Variants in LPP observed in about 807,000 individuals in gnomAD.
The protein encoded by LPP is lipoma-preferred partner.
LPP carries 38 observed loss-of-function variants against 60.4 expected under a neutral mutation model. The observed-to-expected ratio is 0.63, with a 90% CI of 0.49 to 0.83. The LOEUF (loss-of-function observed/expected upper bound fraction) is 0.83, where lower values mean the gene tolerates loss of function less well. Among genes scored for constraint, LPP ranks in the 40% least tolerant of loss-of-function variants. The pLI is 0.00. For synonymous variants in LPP, 328 were observed against 290.8 expected (o/e 1.13, Z -1.30); for missense variants, 902 against 783.6 (o/e 1.15, Z -1.80).
chr3:188,163,115 T>C (rs1239473227), intron 1 of LPP, among the ~76,000 whole-genome samples: 1 of 152,142 alleles, frequency 6.6e-6, no homozygotes, highest in Non-Finnish European at 1.5e-5. Context: ...CCACCTTCTC[T>C]TGGGTTTTGT....
chr3:188,672,211 T>G (rs1227121619), intron 7 of LPP, among the ~76,000 whole-genome samples: 1 of 152,192 alleles, frequency 6.6e-6, no homozygotes, highest in Non-Finnish European at 1.5e-5. Context: ...ATAATCTTTC[T>G]TGATACTAAG....
rs115668438 is a variant in LPP, at chr3:188,794,366, C to G, written c.1410+34084C>G. On this transcript the variant is annotated intron_variant, in intron 9 of 11. Coordinates refer to ENST00000617246, the MANE Select transcript of LPP (RefSeq NM_001375462.1). ...AATGGCTCATTTGTAGGGAGGAGAACTTGCCATTTCCCAAAGTATCACCAG... is the reference window on the plus strand; with the variant it reads ...AATGGCTCATTTGTAGGGAGGAGAAGTTGCCATTTCCCAAAGTATCACCAG... Among the ~76,000 whole-genome samples the G allele has an allele frequency of 5.1e-3, 775 of 152,234 alleles. 3 individuals are homozygous for G. The highest frequency in any genetic ancestry group is 0.018 in the African/African-American group (742 of 41,530).
chr3:188,635,908 A>G (rs1848643622), intron 7 of LPP, among the ~76,000 whole-genome samples: 3 of 152,238 alleles, frequency 2.0e-5, no homozygotes, highest in African/African-American at 7.2e-5. Flanking sequence ...TATGTGGAGA[A>G]GCTGCTTGCA....
In LPP at chr3:188,636,720, C is replaced by T. The variant is rs566285628; in HGVS notation, c.1113+26876C>T. Among the ~76,000 whole-genome samples, 3 of 152,128 alleles carry T rather than the reference C, an allele frequency of 2.0e-5. No individual in the cohort carries two copies. The South Asian group carries it at 6.2e-4, about 32-fold the overall frequency. ...ACGCAGCTGGAGATCTGAGAATGGG[C>T]AGACTGCCTCCTCAAGTGGGTCCCT... On this transcript the variant is annotated intron_variant, in intron 7 of 11. Coordinates refer to ENST00000617246, the MANE Select transcript of LPP (RefSeq NM_001375462.1).
chr3:188,325,673 A>G (rs1182164657), intron 2 of LPP, among the ~76,000 whole-genome samples: 3 of 152,206 alleles, frequency 2.0e-5, no homozygotes, highest in Non-Finnish European at 2.9e-5. Context: ...GCTATAGGCT[A>G]GGCACACTGT....
intron 6 of LPP, among the ~76,000 whole-genome samples, chr3:188,562,866 T>C (rs956855232): frequency 5.3e-5 from 8 of 152,038 alleles, no homozygotes; most frequent in African/African-American, 7.2e-5. Context: ...AAGGGAGAAG[T>C]TGAAAACAAA....
intron 1 of LPP, among the ~76,000 whole-genome samples, chr3:188,192,170 G>T (rs940823399): frequency 3.8e-4 from 58 of 152,340 alleles, no homozygotes; most frequent in African/African-American, 1.3e-3. Flanking sequence ...TACTTGATGT[G>T]CACACAAGGC....
At chr3:188,577,085 A>G (rs1305584606) in intron 6 of LPP, among the ~76,000 whole-genome samples, 1 of 152,164 alleles carries the variant, frequency 6.6e-6, no homozygotes, top group African/African-American at 2.4e-5. Flanking sequence ...CAAAGTGGCA[A>G]TAATCCCCTG....
chr3:188,613,717 C>G (rs993779215), intron 7 of LPP, among the ~76,000 whole-genome samples: 1 of 151,848 alleles, frequency 6.6e-6, no homozygotes, highest in Non-Finnish European at 1.5e-5. Context: ...CAGATTGTTG[C>G]TTTTCATTTG....
At chr3:188,847,804 G>A (rs116283664) in intron 9 of LPP, among the ~76,000 whole-genome samples, 165 of 152,266 alleles carry the variant, frequency 1.1e-3, no homozygotes, top group African/African-American at 3.9e-3. Flanking sequence ...ACAGTCTTTA[G>A]CAGCCAATGT....
intron 4 of LPP, among the ~76,000 whole-genome samples, chr3:188,418,365 A>G (rs1007460200): frequency 6.6e-6 from 1 of 152,192 alleles, no homozygotes; most frequent in Non-Finnish European, 1.5e-5. Context: ...ATTAGCTTCC[A>G]TTTCATCTGA....
chr3:188,711,121 A>G (rs1427692152), intron 8 of LPP: 6 of 152,228 alleles, frequency 3.9e-5, no homozygotes, highest in Admixed American at 3.9e-4. Context: ...TTAAAAATCC[A>G]TTAATAATGC....
chr3:188,355,111 C>T (rs932999408), intron 3 of LPP, among the ~76,000 whole-genome samples: 1 of 152,074 alleles, frequency 6.6e-6, no homozygotes, highest in Admixed American at 6.5e-5. Context: ...TGGGTTCAAG[C>T]GATTCTCCTG....
chr3:188,641,412 A>T (rs1181556215), intron 7 of LPP, among the ~76,000 whole-genome samples: 1 of 152,200 alleles, frequency 6.6e-6, no homozygotes, highest in East Asian at 1.9e-4. Context: ...GGAGGATTAT[A>T]CAGTATTTTT....
chr3:188,771,923 G>A (rs571498074), intron 9 of LPP, among the ~76,000 whole-genome samples: 23 of 152,190 alleles, frequency 1.5e-4, no homozygotes, highest in Admixed American at 2.0e-4. Context: ...ATGTGTCAGC[G>A]GTCACCTGCT....
At chr3:188,580,188 A>G (rs1405312530) in intron 6 of LPP, among the ~76,000 whole-genome samples, 2 of 152,142 alleles carry the variant, frequency 1.3e-5, no homozygotes, top group Admixed American at 1.3e-4. Context: ...TATATTTTCC[A>G]TGAGAGTCAT....
In LPP at chr3:188,888,095, G is replaced by C. The variant is rs150727898; in HGVS notation, c.*13616G>C. ...CCTGAAACCTTTACAGTTGGATGTA[G>C]CGTTGAGCTTTTGCATGTTTTCTGT... On this transcript the variant is annotated 3_prime_UTR_variant, in exon 12 of 12. Transcript: ENST00000617246. The C allele has an allele frequency of 1.4e-5, 3 of 220,324 alleles. No individual in the cohort carries two copies. In the East Asian group the frequency reaches 2.0e-4, roughly 15 times the overall value. 13.6% of individuals were successfully genotyped at this position (220,324 alleles called of 1,614,324 possible). A position where few individuals can be genotyped will look rare whatever the true frequency, so the allele number is the denominator to read the frequency against.
At chr3:188,161,645 A>T (rs945178173) in intron 1 of LPP, among the ~76,000 whole-genome samples, 64 of 152,182 alleles carry the variant, frequency 4.2e-4, no homozygotes, top group African/African-American at 1.5e-3. Context: ...GAGTTGGGTC[A>T]CAGCCTTTAC....
chr3:188,167,501 C>CACAAAACAAAAA (rs138809766), intron 1 of LPP, among the ~76,000 whole-genome samples: 9 of 143,510 alleles, frequency 6.3e-5, no homozygotes, highest in Admixed American at 5.6e-4. Context: ...ACTCCACCAC[C>CACAAAACAAAAA]ACAAAACAAA....
Sources: allele counts gnomAD v4.1 joint callset (sites outside exome capture counted in the v4.1 genomes callset), GRCh38; gene constraint gnomAD v4.1.1; transcripts MANE v1.5; gene names NCBI Gene and HGNC (gene_info 2026-07-23, HGNC 2026-07-21).